Variants in ATP10B observed in about 807,000 individuals in gnomAD.
ATP10B encodes ATPase phospholipid transporting 10B (putative).
A neutral mutation model predicts 141.2 loss-of-function variants in ATP10B; 122 were observed. The observed-to-expected ratio is 0.86, with a 90% CI of 0.75 to 1.00. ATP10B has a LOEUF of 1.00. Ranked by LOEUF, ATP10B falls within the 50% of genes least tolerant of loss-of-function variation. The pLI, the probability that ATP10B is intolerant of heterozygous loss-of-function variation, is 0.00. For missense variants in ATP10B, 1,876 were observed against 1,825.3 expected (o/e 1.03, Z -0.51); for synonymous variants, 685 against 692.0 (o/e 0.99, Z 0.16).
chr5:160,565,687 GC>G lies in ATP10B; in HGVS notation c.4151del (p.Ser1384ThrfsTer25). ...GQDFSASTPK[S>X]SNPPKRKHVE... ...CATGCTTCCTCTTGGGAGGGTTAGA[GC>G]TCTTTGGGGTGCTGGCACTGAAGTC... is the stretch of plus-strand genomic sequence containing the variant. On this transcript the variant is annotated frameshift_variant, in exon 26 of 26. Transcript: ENST00000327245. LOFTEE classifies it low-confidence loss of function (END_TRUNC). 6.2e-7 allele frequency: 1 copy of G among 1,614,114 alleles called. No homozygotes were observed. Among genetic ancestry groups the G allele is most frequent in the Non-Finnish European group, 8.5e-7 (1 of 1,179,990 alleles).
chr5:160,678,824 G>A (rs1050929114), intron 6 of ATP10B, among the ~76,000 whole-genome samples: 4 of 152,116 alleles, frequency 2.6e-5, no homozygotes, highest in Admixed American at 2.0e-4. Context: ...ATCTGCATAG[G>A]CCACATATTT....
chr5:160,880,825 A>C, the ATP10B span, among the ~76,000 whole-genome samples: 7 of 152,330 alleles, frequency 4.6e-5, no homozygotes, highest in East Asian at 1.2e-3. Context: ...ATAAAATACA[A>C]AACTATAAAA....
intron 20 of ATP10B, 93 bp from the exon 21 acceptor site, chr5:160,602,795 C>T (rs890000530): frequency 1.7e-5 from 26 of 1,559,268 alleles, no homozygotes; most frequent in African/African-American, 8.1e-5. Context: ...TCTAGGCCTA[C>T]GGCCAGCAGA....
At chr5:160,654,643 G>C (rs1361759888) in intron 7 of ATP10B, among the ~76,000 whole-genome samples, 1 of 152,214 alleles carries the variant, frequency 6.6e-6, no homozygotes. Flanking sequence ...CTCATGGTTG[G>C]TAAGTAACAG....
chr5:160,586,100 G>T (rs1049474230), intron 24 of ATP10B, among the ~76,000 whole-genome samples: 1 of 152,142 alleles, frequency 6.6e-6, no homozygotes, highest in Admixed American at 6.5e-5. Context: ...CATGCATTAG[G>T]TATTTGTCCT....
the ATP10B span, among the ~76,000 whole-genome samples, chr5:160,901,688 T>C: frequency 2.0e-5 from 3 of 152,176 alleles, no homozygotes; most frequent in African/African-American, 7.2e-5. Context: ...AGTTGAGAAT[T>C]GAAACTAAGA....
chr5:160,622,967 C>T (rs1223430727), intron 13 of ATP10B, among the ~76,000 whole-genome samples: 5 of 152,160 alleles, frequency 3.3e-5, no homozygotes, highest in Admixed American at 2.0e-4. Context: ...CTTAAAACTC[C>T]ATTTCCTCCT....
At chr5:160,908,950 T>C in the ATP10B span, among the ~76,000 whole-genome samples, 2 of 152,194 alleles carry the variant, frequency 1.3e-5, no homozygotes, top group Admixed American at 1.3e-4. Context: ...CCCTCTGCTT[T>C]AGGTAGTGAT....
chr5:160,853,764 G>T (rs1295399769), upstream of ATP10B, among the ~76,000 whole-genome samples: 3 of 152,088 alleles, frequency 2.0e-5, no homozygotes, highest in African/African-American at 7.2e-5. Flanking sequence ...TGGCTAATTA[G>T]AACCCTAATA....
At chr5:160,715,111 G>A (rs1765524924) in intron 3 of ATP10B, among the ~76,000 whole-genome samples, 1 of 148,150 alleles carries the variant, frequency 6.7e-6, no homozygotes, top group African/African-American at 2.5e-5. Context: ...TACAGAGGCA[G>A]GCAGGCCTCC....
chr5:160,638,925 A>C (rs1018098979), intron 10 of ATP10B, among the ~76,000 whole-genome samples: 1 of 152,046 alleles, frequency 6.6e-6, no homozygotes. Context: ...GATCAACTTA[A>C]AGGGCTCCAG....
chr5:160,660,962 G>A (rs187732668), intron 7 of ATP10B, among the ~76,000 whole-genome samples: 24 of 152,274 alleles, frequency 1.6e-4, no homozygotes, highest in East Asian at 9.6e-4. Flanking sequence ...TGAGGTGGGC[G>A]GATCAACTGA....
chr5:160,858,552 G>A, the ATP10B span, among the ~76,000 whole-genome samples: 2 of 152,080 alleles, frequency 1.3e-5, no homozygotes, highest in Admixed American at 1.3e-4. Context: ...GCTGCATGGT[G>A]AGGTTCCAGG....
chr5:160,913,157 C>A, the ATP10B span, among the ~76,000 whole-genome samples: 1 of 152,214 alleles, frequency 6.6e-6, no homozygotes, highest in Non-Finnish European at 1.5e-5. Context: ...CTTTCCTCTT[C>A]TTTTATGGAA....
chr5:160,830,712 T>C (rs1775009267), intron 1 of ATP10B, among the ~76,000 whole-genome samples: 1 of 152,066 alleles, frequency 6.6e-6, no homozygotes, highest in Non-Finnish European at 1.5e-5. Context: ...GTAGAGTAGA[T>C]TTTTATTGCA....
intron 24 of ATP10B, among the ~76,000 whole-genome samples, chr5:160,572,385 T>C (rs1754931613): frequency 6.6e-6 from 1 of 152,164 alleles, no homozygotes; most frequent in Non-Finnish European, 1.5e-5. Context: ...ATAGATTCTC[T>C]TCCTGCTTCA....
At chr5:160,799,609 T>C (rs4541695) in intron 1 of ATP10B, among the ~76,000 whole-genome samples, 74,193 of 151,988 alleles carry the variant, frequency 0.49, 18,231 homozygotes, top group East Asian at 0.61. Context: ...CAGTATGAAC[T>C]TAAAAATCAA....
At chr5:160,862,225 A>G in the ATP10B span, among the ~76,000 whole-genome samples, 1 of 151,970 alleles carries the variant, frequency 6.6e-6, no homozygotes, top group Non-Finnish European at 1.5e-5. Flanking sequence ...AAAGCCCATA[A>G]TCAGTTGATT....
the ATP10B span, among the ~76,000 whole-genome samples, chr5:160,900,745 T>C: frequency 2.6e-5 from 4 of 152,126 alleles, no homozygotes; most frequent in African/African-American, 9.7e-5. Flanking sequence ...GTTAGAAGCA[T>C]ATACACCAAA....
Sources: gnomAD v4.1 joint callset for allele counts (sites outside exome capture counted in the v4.1 genomes callset) on GRCh38, gnomAD v4.1.1 for gene constraint, MANE v1.5 for transcripts, NCBI Gene and HGNC (gene_info 2026-07-23, HGNC 2026-07-21) for gene names.